SIDT1: variants seen among roughly 807,000 people sequenced by gnomAD.
SIDT1 encodes the protein SID1 transmembrane family, member 1.
Under a neutral mutation model 107.5 loss-of-function variants are expected in SIDT1, and 101 were observed. The observed-to-expected ratio is 0.94, with a 90% confidence interval of 0.80 to 1.11. The LOEUF (loss-of-function observed/expected upper bound fraction) is 1.11. Among genes scored for constraint, SIDT1 ranks in the 50% least tolerant of loss-of-function variants. The pLI is 0.00. For synonymous variants in SIDT1, 395 were observed against 398.2 expected (o/e 0.99, Z 0.10); for missense variants, 1,076 against 1,058.2 (o/e 1.02, Z -0.23).
intron 10 of SIDT1, 43 bp from the exon 11 acceptor site, chr3:113,601,545 G>A (rs774000242): frequency 2.2e-6 from 3 of 1,347,054 alleles, no homozygotes; most frequent in South Asian, 2.4e-5. Flanking sequence ...TTTTGTTTTA[G>A]CAACTGGACA....
At position 113,532,968 on chromosome 3, in the gene SIDT1, G is replaced by T. The variant is rs1576666840; in HGVS notation, c.-54G>T. ...CGGGCTTTGGAAGGACCCTCTCTGC[G>T]CTCGCCCCCTCCCCAGGGTGGCTCC... On this transcript the variant is annotated 5_prime_UTR_variant, in exon 1 of 25. Coordinates refer to ENST00000264852, the MANE Select transcript of SIDT1 (RefSeq NM_017699.3). 1 of 1,218,690 alleles carries T rather than the reference G, an allele frequency of 8.2e-7. No homozygotes were observed. Among genetic ancestry groups the T allele is most frequent in the Non-Finnish European group, 1.1e-6 (1 of 949,502 alleles). 75.5% of individuals were successfully genotyped at this position (1,218,690 alleles called of 1,614,324 possible).
chr3:113,587,815 C>T (rs1241749928), intron 9 of SIDT1, among the ~76,000 whole-genome samples: 1 of 152,144 alleles, frequency 6.6e-6, no homozygotes, highest in Admixed American at 6.5e-5. Flanking sequence ...GAGCCTTAGG[C>T]CTAAAGCAGG....
chr3:113,564,930 A>C (rs1373364306), intron 1 of SIDT1, among the ~76,000 whole-genome samples: 1 of 152,250 alleles, frequency 6.6e-6, no homozygotes, highest in Non-Finnish European at 1.5e-5. Flanking sequence ...GGGCTATTTT[A>C]ACATTTAAAA....
At chr3:113,541,864 T>G (rs1938916339) in intron 1 of SIDT1, among the ~76,000 whole-genome samples, 1 of 152,054 alleles carries the variant, frequency 6.6e-6, no homozygotes, top group African/African-American at 2.4e-5. Context: ...AAAGACTTTT[T>G]TCTTTAAAAT....
At chr3:113,534,199 C>T (rs1477739034) in intron 1 of SIDT1, among the ~76,000 whole-genome samples, 1 of 152,074 alleles carries the variant, frequency 6.6e-6, no homozygotes, top group Non-Finnish European at 1.5e-5. Flanking sequence ...ATCCCCTACC[C>T]TCTAGGGAAA....
intron 6 of SIDT1, among the ~76,000 whole-genome samples, chr3:113,582,370 G>A (rs1226896932): frequency 1.3e-5 from 2 of 152,136 alleles, no homozygotes; most frequent in African/African-American, 4.8e-5. Context: ...ATGAAGAGAA[G>A]TTAATTATAA....
rs912241958 is a variant in SIDT1 at position 113,606,898 on chromosome 3, G to A, written c.1405-143G>A. 4 of 577,490 alleles carry A rather than the reference G, an allele frequency of 6.9e-6. No homozygotes were observed. The Admixed American group carries it at 1.1e-4, about 16-fold the overall frequency. The allele number at this position is 577,490 out of a possible 1,614,324, so 35.8% of individuals were successfully genotyped here. ...GTGCTGTGTAAGGTGGCAGATAATG[G>A]CCCATCTGTGCAGAGGAGCACTGGT... On this transcript the variant is annotated intron_variant, in intron 14 of 24. Coordinates refer to ENST00000264852, the MANE Select transcript of SIDT1 (RefSeq NM_017699.3).
Position 113,578,922 on chromosome 3 carries a change from A to G in SIDT1, c.562-1686A>G, listed in dbSNP as rs1019856579. Among the ~76,000 whole-genome samples the G allele has an allele frequency of 4.9e-4, 74 of 152,358 alleles. 1 individual carries two copies. The highest frequency in any genetic ancestry group is 1.7e-3 in the African/African-American group (72 of 41,590). Reference sequence around the variant, plus strand: ...GAGTAAAATATACTTAGAACAAACTAATAAAACAAAACAAGTTCCTTGATA... The same window carrying G: ...GAGTAAAATATACTTAGAACAAACTGATAAAACAAAACAAGTTCCTTGATA... On this transcript the variant is annotated intron_variant, in intron 4 of 24. Transcript: ENST00000264852.
In SIDT1 at chr3:113,621,288, T is replaced by G. The variant is rs116095067; in HGVS notation, c.2090+1562T>G. ...ATTTCAAAATCTGGGAGAAGAAAATTTTCTGCATTATACAGAACAAAGTCA... is the reference window on the plus strand; with the variant it reads ...ATTTCAAAATCTGGGAGAAGAAAATGTTCTGCATTATACAGAACAAAGTCA... On this transcript the variant is annotated intron_variant, in intron 21 of 24. Coordinates refer to ENST00000264852, the MANE Select transcript of SIDT1 (RefSeq NM_017699.3). Among the ~76,000 whole-genome samples, 495 of 152,148 alleles carry G rather than the reference T, an allele frequency of 3.3e-3. 6 individuals are homozygous for G. Among genetic ancestry groups the G allele is most frequent in the African/African-American group, 0.011 (447 of 41,520 alleles).
intron 4 of SIDT1, 127 bp from the exon 5 acceptor site, chr3:113,580,481 T>C: frequency 1.5e-6 from 1 of 655,634 alleles, no homozygotes; most frequent in African/African-American, 1.8e-5. Flanking sequence ...ATGTATGAGA[T>C]GAAGAGCTGA....
intron 3 of SIDT1, among the ~76,000 whole-genome samples, chr3:113,572,870 C>T (rs1244268784): frequency 6.6e-6 from 1 of 152,098 alleles, no homozygotes; most frequent in Non-Finnish European, 1.5e-5. Flanking sequence ...AGCTACTATG[C>T]TGTGAAAAGT....
intron 10 of SIDT1, among the ~76,000 whole-genome samples, chr3:113,600,271 C>G (rs912700769): frequency 1.3e-5 from 2 of 152,090 alleles, no homozygotes; most frequent in Admixed American, 1.3e-4. Context: ...GATCGTACTA[C>G]TGCACTCCAG....
intron 10 of SIDT1, among the ~76,000 whole-genome samples, chr3:113,596,312 A>C (rs992042069): frequency 3.3e-5 from 5 of 152,222 alleles, no homozygotes; most frequent in Non-Finnish European, 5.9e-5. Flanking sequence ...TGTTGGAGTT[A>C]GGAAGGATGC....
At chr3:113,590,045 A>T (rs1944030624) in intron 9 of SIDT1, 1 of 152,588 alleles carries the variant, frequency 6.6e-6, no homozygotes, top group Non-Finnish European at 1.5e-5. Flanking sequence ...TGACAGAAAA[A>T]ACACAGTGGT....
chr3:113,608,337 C>T, intron 16 of SIDT1, 82 bp from the exon 17 acceptor site: 1 of 1,532,732 alleles, frequency 6.5e-7, no homozygotes, highest in South Asian at 1.2e-5. Context: ...TACATGAGGC[C>T]AGAAGCATGT....
chr3:113,548,173 C>T (rs1240537649), intron 1 of SIDT1, among the ~76,000 whole-genome samples: 1 of 152,120 alleles, frequency 6.6e-6, no homozygotes, highest in East Asian at 1.9e-4. Context: ...ATAAAATTTC[C>T]CTCATTATTA....
chr3:113,609,266 A>G (rs1284744215), intron 17 of SIDT1, among the ~76,000 whole-genome samples: 1 of 151,850 alleles, frequency 6.6e-6, no homozygotes, highest in Non-Finnish European at 1.5e-5. Context: ...GGGTTTCACC[A>G]TGTTGGCCGG....
intron 3 of SIDT1, among the ~76,000 whole-genome samples, chr3:113,572,122 A>G (rs1942515375): frequency 1.3e-5 from 2 of 152,192 alleles, no homozygotes; most frequent in South Asian, 4.1e-4. Flanking sequence ...ATATGAGGGG[A>G]AAAAGAAAAG....
intron 1 of SIDT1, among the ~76,000 whole-genome samples, chr3:113,551,824 G>T (rs1940274093): frequency 1.4e-5 from 2 of 147,222 alleles, no homozygotes; most frequent in African/African-American, 2.5e-5. Flanking sequence ...AAGTTTTAGG[G>T]GTGTGTGTGT....
Sources: gnomAD v4.1 joint callset for allele counts (sites outside exome capture counted in the v4.1 genomes callset) on GRCh38, gnomAD v4.1.1 for gene constraint, MANE v1.5 for transcripts, NCBI Gene and HGNC (gene_info 2026-07-23, HGNC 2026-07-21) for gene names.